Variants in SLC6A9 observed in about 807,000 individuals in gnomAD.
SLC6A9 encodes the protein sodium- and chloride-dependent glycine transporter 1.
Under a neutral mutation model 70.9 loss-of-function variants are expected in SLC6A9, and 31 were observed. That is an observed-to-expected ratio of 0.44 (90% confidence interval 0.33 to 0.59). The LOEUF (loss-of-function observed/expected upper bound fraction) is 0.59, where lower values mean the gene tolerates loss of function less well. SLC6A9 is among the 20% of genes least tolerant of loss of function. SLC6A9 has a pLI of 0.04. For synonymous variants in SLC6A9, 310 were observed against 341.3 expected, an observed-to-expected ratio of 0.91 and a Z score of 1.01; for missense variants, 631 against 845.2, an observed-to-expected ratio of 0.75 and a Z score of 3.14.
intron 5 of SLC6A9, 41 bp downstream of exon 5, chr1:44,008,312 C>A (rs747295135): frequency 3.1e-6 from 5 of 1,604,852 alleles, no homozygotes; most frequent in Non-Finnish European, 4.3e-6. Context: ...GACAGGGTTG[C>A]CACCAGGTTC....
intron 5 of SLC6A9, among the ~76,000 whole-genome samples, chr1:44,005,439 C>G (rs1456118288): frequency 1.3e-5 from 2 of 152,168 alleles, no homozygotes; most frequent in East Asian, 3.8e-4. Flanking sequence ...TAGCTTCCCT[C>G]ATTTGTAAAA....
At position 44,008,614 on chromosome 1, in the gene SLC6A9, T is replaced by C. The variant is rs779760316; in HGVS notation, c.329A>G (p.Tyr110Cys). The C allele has an allele frequency of 5.6e-6, 9 of 1,613,304 alleles. No individual in the cohort carries two copies. In the South Asian group the frequency reaches 8.8e-5, roughly 16 times the overall value. The change falls in exon 5 of 14, where the codon TAT becomes TGT. Residue 110 changes from tyrosine (Y) to cysteine (C), a missense_variant. Transcript: ENST00000372310. ...GTAGGTGGACACCACCATCATACCA[T>C]AGCCCACTCCTGCAGGAGGGGAGGG... ...RISPMFKGVG[Y>C]GMMVVSTYIG...
rs747100912 is a variant in SLC6A9 at position 44,011,647 on chromosome 1, C to G, written c.31-765G>C. 2 of 1,614,068 alleles carry G rather than the reference C, an allele frequency of 1.2e-6. No homozygotes were observed. Among genetic ancestry groups the G allele is most frequent in the South Asian group, 1.1e-5 (1 of 91,080 alleles). ...CCATGCCAGACTTTGAGGACAGACTCTGCTAGGGAAGTAGAGGGAGTGGCT... is the reference window on the plus strand; with the variant it reads ...CCATGCCAGACTTTGAGGACAGACTGTGCTAGGGAAGTAGAGGGAGTGGCT... On this transcript the variant is annotated intron_variant, in intron 2 of 13. Coordinates refer to ENST00000372310, the MANE Select transcript of SLC6A9 (RefSeq NM_001024845.3).
At chr1:44,004,764 T>A (rs79991235) in intron 5 of SLC6A9, among the ~76,000 whole-genome samples, 1 of 152,204 alleles carries the variant, frequency 6.6e-6, no homozygotes, top group African/African-American at 2.4e-5. Flanking sequence ...TCATATTCTG[T>A]TTTTTGTTTG....
intron 5 of SLC6A9, among the ~76,000 whole-genome samples, chr1:44,006,586 C>CAA (rs34759206): frequency 0.17 from 11,529 of 67,036 alleles, 2,621 homozygotes; most frequent in African/African-American, 0.43. Context: ...GATTCTGTCT[C>CAA]AAAAAAAAAA....
intron 2 of SLC6A9, among the ~76,000 whole-genome samples, chr1:44,019,273 A>G (rs79003767): frequency 0.012 from 1,873 of 152,326 alleles, 17 homozygotes; most frequent in Non-Finnish European, 0.018. Flanking sequence ...TTAACTTCCC[A>G]TATCTTAACT....
Position 44,002,034 on chromosome 1 carries a change from C to T in SLC6A9, c.962+279G>A, listed in dbSNP as rs960272630. Among the ~76,000 whole-genome samples, 2 of 152,148 alleles carry T rather than the reference C, an allele frequency of 1.3e-5. No homozygotes were observed. The highest frequency in any genetic ancestry group is 2.9e-5 in the Non-Finnish European group (2 of 68,036). On this transcript the variant is annotated intron_variant, in intron 8 of 13. Coordinates refer to ENST00000372310, the MANE Select transcript of SLC6A9 (RefSeq NM_001024845.3). This position sits in a 1 kb window ranked among gnomAD's most constrained non-coding sequence, Gnocchi z 5.5. Reference sequence around the variant, plus strand: ...TACGGCGTGAAGCACTGAGCCTGGCCCCCAACTCCTTTTCTGGTCTGTTCT... The same window carrying T: ...TACGGCGTGAAGCACTGAGCCTGGCTCCCAACTCCTTTTCTGGTCTGTTCT...
At chr1:44,012,730 G>A (rs1004964785) in intron 2 of SLC6A9, among the ~76,000 whole-genome samples, 2 of 152,228 alleles carry the variant, frequency 1.3e-5, no homozygotes, top group Admixed American at 1.3e-4. Context: ...CAAGAGTATG[G>A]AAGGAGGACA....
At chr1:44,020,146 A>C (rs2154307166) in intron 2 of SLC6A9, among the ~76,000 whole-genome samples, 1 of 152,320 alleles carries the variant, frequency 6.6e-6, no homozygotes, top group South Asian at 2.1e-4. Context: ...TTATCTAAGG[A>C]GAATGCCCAC....
At chr1:44,014,834 G>A (rs1035540936) in intron 2 of SLC6A9, 23 of 152,132 alleles carry the variant, frequency 1.5e-4, no homozygotes, top group African/African-American at 5.5e-4. Flanking sequence ...TGGTATCTCA[G>A]CACTGCTGTC....
At chr1:44,011,716 G>C in intron 2 of SLC6A9, 1 of 1,613,892 alleles carries the variant, frequency 6.2e-7, no homozygotes, top group East Asian at 2.2e-5. Context: ...ACAGGGAGAA[G>C]CGTCACCTGC....
At chr1:44,011,530 C>T in intron 2 of SLC6A9, 3 of 1,607,558 alleles carry the variant, frequency 1.9e-6, no homozygotes, top group South Asian at 1.1e-5. Flanking sequence ...CTACACTGCC[C>T]ATGGCTGGGG....
At chr1:44,029,222 C>T (rs146854442) in intron 1 of SLC6A9, among the ~76,000 whole-genome samples, 2 of 152,326 alleles carry the variant, frequency 1.3e-5, no homozygotes, top group East Asian at 1.9e-4. Context: ...TTGGCCAAGC[C>T]CTGGAGTCCT....
chr1:44,018,548 C>G lies in SLC6A9; in HGVS notation c.30+5700G>C, dbSNP rs1240416371. 2.0e-5 allele frequency among the ~76,000 whole-genome samples: 3 copies of G among 151,302 alleles called. No individual in the cohort carries two copies. The highest frequency in any genetic ancestry group is 7.3e-5 in the African/African-American group (3 of 41,110). On this transcript the variant is annotated intron_variant, in intron 2 of 13. Transcript: ENST00000372310. This position sits in a 1 kb window ranked among gnomAD's most constrained non-coding sequence, Gnocchi z 4.2. ...GGTGGAGGTTGCAGTGAGCCGAGAT[C>G]GCGCCATTGCATTCCAGCCTGGGCA...
At chr1:44,005,101 T>C (rs555790748) in intron 5 of SLC6A9, among the ~76,000 whole-genome samples, 1 of 152,278 alleles carries the variant, frequency 6.6e-6, no homozygotes, top group South Asian at 2.1e-4. Context: ...CAAATGACTG[T>C]GAACGACCTC....
intron 2 of SLC6A9, among the ~76,000 whole-genome samples, chr1:44,011,962 A>G (rs2086588253): frequency 6.6e-6 from 1 of 152,172 alleles, no homozygotes; most frequent in South Asian, 2.1e-4. Flanking sequence ...ATCAGAGCCC[A>G]AGGGCCCCAA....
rs936241521 is a variant in SLC6A9, at chr1:44,018,551, G to A, written c.30+5697C>T. 4.0e-5 allele frequency among the ~76,000 whole-genome samples: 6 copies of A among 151,402 alleles called. No individual in the cohort carries two copies. Among genetic ancestry groups the A allele is most frequent in the Middle Eastern group, 3.4e-3 (1 of 292 alleles). On this transcript the variant is annotated intron_variant, in intron 2 of 13. Transcript: ENST00000372310. This position sits in a 1 kb window ranked among gnomAD's most constrained non-coding sequence, Gnocchi z 4.2. ...GGAGGTTGCAGTGAGCCGAGATCGC[G>A]CCATTGCATTCCAGCCTGGGCAGCA...
At chr1:44,007,892 C>CTT (rs55829171) in intron 5 of SLC6A9, among the ~76,000 whole-genome samples, 1 of 128,970 alleles carries the variant, frequency 7.8e-6, no homozygotes, top group African/African-American at 2.9e-5. Flanking sequence ...TGCTTTCTTT[C>CTT]TTTTTTTTTT....
chr1:44,031,190 A>G (rs2087111462), intron 1 of SLC6A9, 116 bp downstream of exon 1: 1 of 152,120 alleles, frequency 6.6e-6, no homozygotes, highest in Non-Finnish European at 1.5e-5. Context: ...ACACACACAC[A>G]CACACACGCA....
Sources: allele counts gnomAD v4.1 joint callset (sites outside exome capture counted in the v4.1 genomes callset), GRCh38; gene constraint gnomAD v4.1.1; non-coding constraint Gnocchi (gnomAD v3.1); transcripts MANE v1.5; gene names NCBI Gene and HGNC (gene_info 2026-07-23, HGNC 2026-07-21).